Variants in BDP1 observed in about 807,000 individuals in gnomAD.
The protein encoded by BDP1 is BDP1 general transcription factor IIIB subunit.
Under a neutral mutation model 266.6 loss-of-function variants are expected in BDP1, and 169 were observed. The ratio of observed to expected loss-of-function variants is 0.63; its 90% CI spans 0.56 to 0.72. The LOEUF is 0.72. Ranked by LOEUF, BDP1 falls within the 30% of genes least tolerant of loss-of-function variation. The pLI, the probability that BDP1 is intolerant of heterozygous loss-of-function variation, is 0.00. For synonymous variants in BDP1, 1,090 were observed against 1,022.4 expected (o/e 1.07, Z -1.26); for missense variants, 3,015 against 3,053.8 (o/e 0.99, Z 0.30).
Position 71,455,936 on chromosome 5 carries a change from G to C in BDP1, c.59G>C (p.Arg20Thr). 1.2e-6 allele frequency: 2 copies of C among 1,611,774 alleles called. No individual in the cohort carries two copies. The highest frequency in any genetic ancestry group is 1.7e-6 in the Non-Finnish European group (2 of 1,179,248). Residue 20 changes from arginine to threonine, a missense_variant, in exon 1 of 39, where the codon AGG (arginine) becomes ACG (threonine). Coordinates refer to ENST00000358731, the MANE Select transcript of BDP1 (RefSeq NM_018429.3). ...AATGTCAGGCCTGGTGTAGGCGCCA[G>C]GGGCTCCACAGCTTCCAATCCCCAG... ...KPNVRPGVGARGSTASNPQRG... is the reference protein window; with the variant it reads ...KPNVRPGVGATGSTASNPQRG...
At chr5:71,545,323 A>G (rs1742204032) in intron 32 of BDP1, 104 bp downstream of exon 32, 1 of 1,056,122 alleles carries the variant, frequency 9.5e-7, no homozygotes, top group Non-Finnish European at 1.4e-6. Context: ...TTTTATCTTC[A>G]TTTTTCTTTA....
chr5:71,489,551 C>G lies in BDP1; in HGVS notation c.1361C>G (p.Ala454Gly), dbSNP rs1763461182. 2 of 1,614,036 alleles carry G rather than the reference C, an allele frequency of 1.2e-6. No homozygotes were observed. The highest frequency in any genetic ancestry group is 1.7e-6 in the Non-Finnish European group (2 of 1,179,998). ...TCAAGGGAGGATGCAGAGCAGGTTG[C>G]ATTAGAAGTAGACCTAAATCAAAAG... ...TLSREDAEQV[A>G]LEVDLNQKKR... The change falls in exon 10 of 39, where the codon GCA becomes GGA. Residue 454 changes from alanine (A) to glycine (G), a missense_variant. This residue lies in a region of BDP1 where 2,383 missense variants were observed against 2,404.9 expected (regional missense o/e 0.99). Coordinates refer to ENST00000358731, the MANE Select transcript of BDP1 (RefSeq NM_018429.3).
In BDP1 at chr5:71,489,321, G is replaced by A. The variant is rs1763446825; in HGVS notation, c.1214-83G>A. 7 of 953,740 alleles carry A rather than the reference G, an allele frequency of 7.3e-6. No individual in the cohort carries two copies. The Admixed American group carries it at 1.3e-4, about 18-fold the overall frequency. 59.1% of individuals were successfully genotyped at this position (953,740 alleles called of 1,614,324 possible). A position where few individuals can be genotyped will look rare whatever the true frequency, so the allele number is the denominator to read the frequency against. On this transcript the variant is annotated intron_variant, in intron 9 of 38. Coordinates refer to ENST00000358731, the MANE Select transcript of BDP1 (RefSeq NM_018429.3). Reference sequence around the variant, plus strand: ...TGTTCATACAAATAAATAATACAGAGGACATCTTTGAGTCTCTTTCCCACC... The same window carrying A: ...TGTTCATACAAATAAATAATACAGAAGACATCTTTGAGTCTCTTTCCCACC...
chr5:71,469,499 T>G (rs1275675568), intron 6 of BDP1, among the ~76,000 whole-genome samples: 12 of 152,222 alleles, frequency 7.9e-5, no homozygotes. Flanking sequence ...TAGTTGCCTA[T>G]GTAGTGTAAC....
intron 26 of BDP1, among the ~76,000 whole-genome samples, chr5:71,534,399 T>A (rs1766457028): frequency 6.6e-6 from 1 of 152,184 alleles, no homozygotes; most frequent in Non-Finnish European, 1.5e-5. Context: ...ACCATAGATG[T>A]ATGGGTTTAT....
chr5:71,545,265 C>G, intron 32 of BDP1, 46 bp downstream of exon 32: 1 of 1,493,166 alleles, frequency 6.7e-7, no homozygotes, highest in Non-Finnish European at 9.1e-7. Flanking sequence ...GTGTTTTCCT[C>G]CATTTAAAAA....
At chr5:71,569,434 C>A (rs1161122577), downstream of BDP1, among the ~76,000 whole-genome samples, 1 of 151,028 alleles carries the variant, frequency 6.6e-6, no homozygotes, top group Admixed American at 6.6e-5. Context: ...AGAGTGAGAC[C>A]CTGTTGCTAA....
At chr5:71,538,907 T>G (rs1561767722) in intron 26 of BDP1, 135 bp from the exon 27 acceptor site, 7 of 621,578 alleles carry the variant, frequency 1.1e-5, no homozygotes, top group Non-Finnish European at 1.7e-5. Context: ...TGTGAATAAT[T>G]ATAAATTAAG....
intron 34 of BDP1, among the ~76,000 whole-genome samples, chr5:71,551,943 G>C (rs1379802800): frequency 5.3e-5 from 8 of 150,624 alleles, no homozygotes; most frequent in African/African-American, 2.0e-4. Context: ...CGGCTGGCCG[G>C]GCGGGGGGCT....
At chr5:71,476,993 C>T (rs967723823) in intron 7 of BDP1, among the ~76,000 whole-genome samples, 6 of 151,688 alleles carry the variant, frequency 4.0e-5, no homozygotes, top group Non-Finnish European at 8.8e-5. Context: ...CGTGAGCCAT[C>T]GTGCCCGGCC....
chr5:71,531,875 A>G (rs554153176), intron 25 of BDP1, among the ~76,000 whole-genome samples: 21 of 152,194 alleles, frequency 1.4e-4, no homozygotes, highest in Non-Finnish European at 1.9e-4. Context: ...TAATTAGTTG[A>G]TTACATGTCT....
Position 71,522,859 on chromosome 5 carries a change from T to C in BDP1, c.5297T>C (p.Val1766Ala). The C allele has an allele frequency of 6.2e-7, 1 of 1,613,934 alleles. No homozygotes were observed. The part of the protein sequence containing the change: ...LAKIDAELEE[V>A]GPSRRVGEET... The stretch of plus-strand genomic sequence containing the variant: ...AAAATAGATGCGGAATTAGAAGAAG[T>C]TGGACCATCAAGAAGGGTTGGAGAG... Residue 1766 changes from valine to alanine, a missense_variant, in exon 24 of 39, where the codon GTT becomes GCT. Val to Ala is a moderately conservative substitution (Grantham distance 64). Transcript: ENST00000358731.
At chr5:71,541,927 C>G (rs1185302431) in intron 29 of BDP1, among the ~76,000 whole-genome samples, 178 bp from the exon 30 acceptor site, 2 of 152,160 alleles carry the variant, frequency 1.3e-5, no homozygotes, top group East Asian at 3.8e-4. Flanking sequence ...AGACTAAATT[C>G]TCTTCTTAAG....
At chr5:71,461,685 A>G in intron 2 of BDP1, 132 bp from the exon 3 acceptor site, 4 of 552,324 alleles carry the variant, frequency 7.2e-6, no homozygotes, top group Non-Finnish European at 6.5e-6. Context: ...CCATCTACAA[A>G]ATTACATAAT....
chr5:71,544,640 G>A lies in BDP1; in HGVS notation c.6563+133G>A, dbSNP rs868089976. ...CACGCCTGTAATCCCGGCACTTTGG[G>A]AGGCCAAGACGGGAGGATCACGAGG... is the stretch of plus-strand genomic sequence containing the variant. On this transcript the variant is annotated intron_variant, in intron 31 of 38. Coordinates refer to ENST00000358731, the MANE Select transcript of BDP1 (RefSeq NM_018429.3). The A allele has an allele frequency of 3.0e-5, 27 of 904,412 alleles. No individual in the cohort carries two copies. The African/African-American group carries it at 3.9e-4, about 13-fold the overall frequency. The allele number at this position is 904,412 out of a possible 1,614,324, so 56.0% of individuals were successfully genotyped here. A position where few individuals can be genotyped will look rare whatever the true frequency, so the allele number is the denominator to read the frequency against.
At chr5:71,538,766 A>G (rs1766786869) in intron 26 of BDP1, among the ~76,000 whole-genome samples, 1 of 152,234 alleles carries the variant, frequency 6.6e-6, no homozygotes, top group African/African-American at 2.4e-5. Flanking sequence ...AAGTAAAGTA[A>G]GAATGGTAGA....
intron 1 of BDP1, among the ~76,000 whole-genome samples, 176 bp downstream of exon 1, chr5:71,456,265 T>C (rs911223177): frequency 2.6e-5 from 4 of 152,192 alleles, no homozygotes; most frequent in Non-Finnish European, 4.4e-5. Flanking sequence ...CTGCAGGGTG[T>C]GGCTTGTGTG....
intron 26 of BDP1, among the ~76,000 whole-genome samples, chr5:71,538,251 TA>T (rs1766755635): frequency 6.6e-6 from 1 of 152,178 alleles, no homozygotes; most frequent in Non-Finnish European, 1.5e-5. Flanking sequence ...ATATTCATAA[TA>T]GATATTGGTC....
At chr5:71,502,891 A>C (rs953802706) in intron 15 of BDP1, 100 bp downstream of exon 15, 1 of 782,752 alleles carries the variant, frequency 1.3e-6, no homozygotes, top group African/African-American at 1.8e-5. Context: ...ACATACATAC[A>C]TTTATTTATT....
Sources: allele counts gnomAD v4.1 joint callset (sites outside exome capture counted in the v4.1 genomes callset), GRCh38; gene constraint gnomAD v4.1.1; regional missense constraint gnomAD v4.1.1; transcripts MANE v1.5; gene names NCBI Gene and HGNC (gene_info 2026-07-23, HGNC 2026-07-21).